The following EYA2 variants were observed in gnomAD, a reference collection of about 807,000 sequenced individuals.
The protein encoded by EYA2 is EYA transcriptional coactivator and phosphatase 2, also known as protein phosphatase EYA2.
EYA2 carries 31 observed loss-of-function variants against 69.2 expected under a neutral mutation model. The observed-to-expected ratio is 0.45, with a 90% confidence interval of 0.34 to 0.60. EYA2 has a LOEUF of 0.60. Ranked by LOEUF, EYA2 falls within the 20% of genes least tolerant of loss-of-function variation. The pLI, the probability that EYA2 is intolerant of heterozygous loss-of-function variation, is 0.02. For missense variants in EYA2, 622 were observed against 701.2 expected (o/e 0.89, Z 1.28); for synonymous variants, 257 against 279.4 (o/e 0.92, Z 0.80).
In EYA2 at chr20:47,054,609, C is replaced by T. The variant is rs1375291242; in HGVS notation, c.416-17576C>T. On this transcript the variant is annotated intron_variant, in intron 5 of 15. Coordinates refer to ENST00000327619, the MANE Select transcript of EYA2 (RefSeq NM_005244.5). ...ACAGAAAATGAGCACATTCACCCCT[C>T]TTTGCCCAGCACCCAACACTTGACA... 2.6e-5 allele frequency among the ~76,000 whole-genome samples: 4 copies of T among 152,258 alleles called. No individual in the cohort carries two copies. The South Asian group carries it at 8.3e-4, about 32-fold the overall frequency.
intron 5 of EYA2, among the ~76,000 whole-genome samples, chr20:47,070,009 T>A (rs1050744397): frequency 2.4e-4 from 36 of 152,118 alleles, no homozygotes; most frequent in African/African-American, 8.7e-4. Flanking sequence ...TGACCTTGAA[T>A]TAGGCAACAA....
At chr20:47,083,555 G>T (rs1278602400) in intron 7 of EYA2, among the ~76,000 whole-genome samples, 1 of 141,404 alleles carries the variant, frequency 7.1e-6, no homozygotes, top group Non-Finnish European at 1.5e-5. Flanking sequence ...TGCAGCCTGG[G>T]TGACAGAGCA....
At chr20:47,054,638 G>T (rs2030511794) in intron 5 of EYA2, among the ~76,000 whole-genome samples, 1 of 152,036 alleles carries the variant, frequency 6.6e-6, no homozygotes, top group African/African-American at 2.4e-5. Flanking sequence ...CTTGACACCT[G>T]GGCAGCCCAG....
At chr20:47,186,704 C>G (rs7352690) in intron 15 of EYA2, among the ~76,000 whole-genome samples, 57,995 of 151,756 alleles carry the variant, frequency 0.38, 11,913 homozygotes, top group Non-Finnish European at 0.47. Context: ...CTTCTTGTCC[C>G]CTGAGACACC....
chr20:46,905,587 T>C (rs1984311995), intron 1 of EYA2, among the ~76,000 whole-genome samples: 1 of 152,218 alleles, frequency 6.6e-6, no homozygotes, highest in Admixed American at 6.5e-5. Flanking sequence ...ATCCCTGCCA[T>C]TTCTTGCCAA....
chr20:47,148,746 G>A (rs2033760029), intron 10 of EYA2, among the ~76,000 whole-genome samples: 1 of 152,192 alleles, frequency 6.6e-6, no homozygotes, highest in African/African-American at 2.4e-5. Flanking sequence ...GGTAAGGGTG[G>A]ATGTTGGGTT....
intron 9 of EYA2, among the ~76,000 whole-genome samples, chr20:47,129,855 T>C (rs2033293115): frequency 6.6e-6 from 1 of 152,118 alleles, no homozygotes; most frequent in Non-Finnish European, 1.5e-5. Flanking sequence ...CCAGCAAAGC[T>C]CTGATAAGAA....
rs770160630 is a variant in EYA2, at chr20:46,942,796, C to T, written c.-10-47205C>T. 4.6e-5 allele frequency among the ~76,000 whole-genome samples: 7 copies of T among 152,328 alleles called. 1 individual carries two copies. The highest frequency in any genetic ancestry group is 1.0e-4 in the Non-Finnish European group (7 of 68,030). On this transcript the variant is annotated intron_variant, in intron 1 of 15. Transcript: ENST00000327619. ...TTATTTGTTTGTTTTGACAGGGAGT[C>T]TTGCTGTCGCCTAGGCTGGAGTGCA...
intron 5 of EYA2, among the ~76,000 whole-genome samples, chr20:47,019,105 C>T (rs1408673869): frequency 6.6e-6 from 1 of 152,206 alleles, no homozygotes; most frequent in Non-Finnish European, 1.5e-5. Context: ...CGCCCAGGCA[C>T]ATAACCCTCA....
intron 5 of EYA2, among the ~76,000 whole-genome samples, chr20:47,067,103 T>G (rs903758693): frequency 3.3e-5 from 5 of 152,236 alleles, no homozygotes; most frequent in East Asian, 3.9e-4. Flanking sequence ...AAAATGAAAA[T>G]AAACAAGAGA....
intron 5 of EYA2, among the ~76,000 whole-genome samples, chr20:47,050,565 C>T (rs1222941065): frequency 1.3e-5 from 2 of 152,106 alleles, no homozygotes; most frequent in Non-Finnish European, 2.9e-5. Flanking sequence ...AGCCAAGGTC[C>T]GCAGCTGCTC....
At chr20:46,940,020 A>G (rs1986085832) in intron 1 of EYA2, among the ~76,000 whole-genome samples, 1 of 152,230 alleles carries the variant, frequency 6.6e-6, no homozygotes, top group Non-Finnish European at 1.5e-5. Context: ...AGCAGTTCTA[A>G]GATGAAAAAC....
chr20:47,143,007 A>G (rs2033627729), intron 9 of EYA2, 52 bp from the exon 10 acceptor site: 3 of 1,551,950 alleles, frequency 1.9e-6, no homozygotes, highest in South Asian at 2.3e-5. Context: ...AAGGGTAGCT[A>G]AGATTCCTCA....
At chr20:47,116,568 C>G (rs1219193825) in intron 9 of EYA2, among the ~76,000 whole-genome samples, 4 of 152,222 alleles carry the variant, frequency 2.6e-5, no homozygotes, top group African/African-American at 9.6e-5. Context: ...GCACTCTGCT[C>G]CTTTGGGTGT....
chr20:47,095,744 A>G (rs189471178), intron 8 of EYA2: 31 of 152,332 alleles, frequency 2.0e-4, no homozygotes, highest in Non-Finnish European at 3.7e-4. Flanking sequence ...CAGAGAAACT[A>G]TAGAGAAAAA....
At chr20:47,186,899 T>G (rs1452895680) in intron 15 of EYA2, among the ~76,000 whole-genome samples, 1 of 152,142 alleles carries the variant, frequency 6.6e-6, no homozygotes, top group Non-Finnish European at 1.5e-5. Flanking sequence ...TATATACAAT[T>G]TGTCCTGCAT....
At chr20:46,915,948 T>A (rs1041244697) in intron 1 of EYA2, among the ~76,000 whole-genome samples, 1 of 152,212 alleles carries the variant, frequency 6.6e-6, no homozygotes, top group Non-Finnish European at 1.5e-5. Context: ...GAAGTATTTC[T>A]TGAAACTGTG....
chr20:47,124,278 G>T (rs538686922), intron 9 of EYA2, among the ~76,000 whole-genome samples: 7 of 152,298 alleles, frequency 4.6e-5, no homozygotes, highest in African/African-American at 1.7e-4. Context: ...TATTGATTAG[G>T]TAGACATCTG....
intron 1 of EYA2, among the ~76,000 whole-genome samples, chr20:46,947,257 A>G (rs755867881): frequency 6.6e-6 from 1 of 152,064 alleles, no homozygotes; most frequent in South Asian, 2.1e-4. Flanking sequence ...TAGTCTTTCA[A>G]ATATTTTAGA....
Sources: allele counts gnomAD v4.1 joint callset (sites outside exome capture counted in the v4.1 genomes callset), GRCh38; gene constraint gnomAD v4.1.1; transcripts MANE v1.5; gene names NCBI Gene and HGNC (gene_info 2026-07-23, HGNC 2026-07-21).